The following BABAM2 variants were observed in gnomAD, a reference collection of about 807,000 sequenced individuals.
BABAM2 encodes the protein BRISC and BRCA1 A complex member 2, also known as BRISC and BRCA1-A complex member 2.
In BABAM2, 31 loss-of-function variants were observed where a neutral mutation model predicts 54.7. That is an observed-to-expected ratio of 0.57 (90% CI 0.43 to 0.77). The LOEUF (loss-of-function observed/expected upper bound fraction) is 0.77, where lower values mean the gene tolerates loss of function less well. Among genes scored for constraint, BABAM2 ranks in the 30% least tolerant of loss-of-function variants. The probability of loss-of-function intolerance (pLI) is 0.00; values close to 1 mark genes in which losing one functional copy is unlikely to be tolerated. For missense variants in BABAM2, 364 were observed against 455.8 expected, an observed-to-expected ratio of 0.80 and a Z score of 1.83; for synonymous variants, 167 against 162.9, an observed-to-expected ratio of 1.03 and a Z score of -0.19.
At chr2:28,309,036 A>G (rs13031756) in intron 11 of BABAM2, 77,299 of 152,164 alleles carry the variant, frequency 0.51, 19,837 homozygotes, top group East Asian at 0.63. Flanking sequence ...GTCCCACTCA[A>G]GATGCCTGGG....
In BABAM2 at chr2:28,288,584, C is replaced by T. The variant is rs987780985; in HGVS notation, c.935-9754C>T. 3.3e-5 allele frequency among the ~76,000 whole-genome samples: 5 copies of T among 152,066 alleles called. 1 individual carries two copies. The highest frequency in any genetic ancestry group is 7.2e-5 in the African/African-American group (3 of 41,408). ...CAGGTGATCCACCCACCTCAGCCTCCCAAAATGCTGGGATAGATTATGGCT... is the reference window on the plus strand; with the variant it reads ...CAGGTGATCCACCCACCTCAGCCTCTCAAAATGCTGGGATAGATTATGGCT... On this transcript the variant is annotated intron_variant, in intron 10 of 11. Transcript: ENST00000379624.
intron 7 of BABAM2, among the ~76,000 whole-genome samples, chr2:28,146,427 A>T (rs1192402416): frequency 1.3e-5 from 2 of 152,226 alleles, no homozygotes; most frequent in Non-Finnish European, 2.9e-5. Flanking sequence ...TTGCCATTTC[A>T]TAGTCTCATT....
chr2:28,300,712 A>G (rs1688037488), intron 11 of BABAM2, among the ~76,000 whole-genome samples: 1 of 152,214 alleles, frequency 6.6e-6, no homozygotes, highest in South Asian at 2.1e-4. Flanking sequence ...GTTGCAGACC[A>G]CAAGCCCGTG....
At chr2:28,219,943 A>G (rs963971693) in intron 7 of BABAM2, among the ~76,000 whole-genome samples, 12 of 152,150 alleles carry the variant, frequency 7.9e-5, no homozygotes, top group African/African-American at 2.4e-4. Context: ...AGAAAAAATG[A>G]TACTGGATGA....
At chr2:28,320,917 G>C (rs1340548661) in intron 11 of BABAM2, among the ~76,000 whole-genome samples, 2 of 152,166 alleles carry the variant, frequency 1.3e-5, no homozygotes, top group Non-Finnish European at 2.9e-5. Context: ...TTGTTGCTTG[G>C]ATTAAAATGA....
intron 3 of BABAM2, among the ~76,000 whole-genome samples, chr2:27,957,348 A>G (rs1345867670): frequency 6.6e-6 from 1 of 151,796 alleles, no homozygotes; most frequent in African/African-American, 2.4e-5. Context: ...GATGGCCTCC[A>G]TTTTTTTTGG....
chr2:28,184,885 A>C (rs887835230), intron 7 of BABAM2, among the ~76,000 whole-genome samples: 1 of 152,216 alleles, frequency 6.6e-6, no homozygotes, highest in African/African-American at 2.4e-5. Context: ...TAAAGTGCGT[A>C]TACTACTTCA....
At chr2:27,958,916 G>A (rs940790480) in intron 3 of BABAM2, among the ~76,000 whole-genome samples, 1 of 152,144 alleles carries the variant, frequency 6.6e-6, no homozygotes, top group African/African-American at 2.4e-5. Context: ...GTGTTCGTGA[G>A]TTCTGAATCT....
chr2:27,963,469 CAAAAAAAA>C (rs760525051), intron 3 of BABAM2, among the ~76,000 whole-genome samples: 1 of 54,402 alleles, frequency 1.8e-5, no homozygotes, highest in Non-Finnish European at 3.8e-5. Flanking sequence ...GACTCTTTCT[CAAAAAAAA>C]AAAAAAAAAA....
chr2:27,961,902 A>AT (rs202135328), intron 3 of BABAM2, among the ~76,000 whole-genome samples: 1,721 of 150,580 alleles, frequency 0.011, 36 homozygotes, highest in African/African-American at 0.04. Flanking sequence ...TAATTTTTAA[A>AT]TTTTTTTTGT....
chr2:28,225,707 C>T (rs1180560116), intron 7 of BABAM2, among the ~76,000 whole-genome samples: 2 of 151,500 alleles, frequency 1.3e-5, no homozygotes. Context: ...CTCCCTCTTG[C>T]ACAGTTACAA....
intron 7 of BABAM2, among the ~76,000 whole-genome samples, chr2:28,233,630 A>G (rs906926245): frequency 6.6e-6 from 1 of 152,208 alleles, no homozygotes; most frequent in Non-Finnish European, 1.5e-5. Context: ...GACGCTTACA[A>G]GCTAAGAAAC....
intron 7 of BABAM2, among the ~76,000 whole-genome samples, chr2:28,227,268 C>A (rs1430997787): frequency 1.3e-5 from 2 of 152,138 alleles, no homozygotes; most frequent in Non-Finnish European, 2.9e-5. Flanking sequence ...CCTGTTCTTG[C>A]TTCCTCTCTA....
chr2:28,166,165 A>G (rs1347686873), intron 7 of BABAM2, among the ~76,000 whole-genome samples: 1 of 152,144 alleles, frequency 6.6e-6, no homozygotes, highest in African/African-American at 2.4e-5. Context: ...TGTGAGAAAA[A>G]TCAATTTCTG....
At chr2:28,033,397 G>C (rs1676438176) in intron 5 of BABAM2, among the ~76,000 whole-genome samples, 1 of 152,110 alleles carries the variant, frequency 6.6e-6, no homozygotes, top group Admixed American at 6.5e-5. Context: ...AGTTATAGAA[G>C]TTGAGAAGTC....
At chr2:27,927,052 T>C (rs1203096291) in intron 2 of BABAM2, among the ~76,000 whole-genome samples, 1 of 152,236 alleles carries the variant, frequency 6.6e-6, no homozygotes, top group African/African-American at 2.4e-5. Context: ...CTTGCTATAA[T>C]TTTGTATCCT....
At chr2:27,927,557 C>T (rs1419909340) in intron 2 of BABAM2, among the ~76,000 whole-genome samples, 1 of 152,158 alleles carries the variant, frequency 6.6e-6, no homozygotes, top group Admixed American at 6.5e-5. Flanking sequence ...TATGTGTTTT[C>T]TGTAGTCTTT....
intron 8 of BABAM2, 76 bp from the exon 9 acceptor site, chr2:28,241,247 G>C: frequency 7.1e-7 from 1 of 1,413,108 alleles, no homozygotes; most frequent in Non-Finnish European, 9.9e-7. Flanking sequence ...CTGCTTCTCT[G>C]AATCTTTGAA....
chr2:28,338,172 G>A (rs1691630921), intron 11 of BABAM2, among the ~76,000 whole-genome samples: 9 of 152,172 alleles, frequency 5.9e-5, no homozygotes, highest in Admixed American at 5.2e-4. Context: ...AAAAAAGGCA[G>A]CCGGACCTAA....
Sources: allele counts gnomAD v4.1 joint callset (sites outside exome capture counted in the v4.1 genomes callset), GRCh38; gene constraint gnomAD v4.1.1; transcripts MANE v1.5; gene names NCBI Gene and HGNC (gene_info 2026-07-23, HGNC 2026-07-21).